Variants in DPP6 observed in about 807,000 individuals in gnomAD.
The protein encoded by DPP6 is dipeptidyl peptidase like 6, also known as A-type potassium channel modulatory protein DPP6.
A neutral mutation model predicts 122.6 loss-of-function variants in DPP6; 69 were observed. The observed-to-expected ratio is 0.56, with a 90% confidence interval of 0.46 to 0.69. The LOEUF (loss-of-function observed/expected upper bound fraction) is 0.69, where lower values mean the gene tolerates loss of function less well. Ranked by LOEUF, DPP6 falls within the 30% of genes least tolerant of loss-of-function variation. DPP6 has a pLI of 0.00. For missense variants in DPP6, 928 were observed against 1,116.9 expected, an observed-to-expected ratio of 0.83 and a Z score of 2.41; for synonymous variants, 418 against 433.1, an observed-to-expected ratio of 0.97 and a Z score of 0.43.
chr7:153,939,331 GAATT>G (rs1463520667), intron 1 of DPP6, among the ~76,000 whole-genome samples: 3 of 152,328 alleles, frequency 2.0e-5, no homozygotes, highest in East Asian at 3.9e-4. Context: ...TGACTGCCAA[GAATT>G]AATCTCTTAT....
At chr7:154,591,192 A>G (rs1045924412) in intron 5 of DPP6, among the ~76,000 whole-genome samples, 5 of 152,262 alleles carry the variant, frequency 3.3e-5, no homozygotes, top group African/African-American at 7.2e-5. Context: ...ATCTGGAAGG[A>G]CAGCCACACG....
intron 14 of DPP6, 43 bp from the exon 15 acceptor site, chr7:154,804,874 C>A: frequency 1.3e-6 from 2 of 1,579,888 alleles, no homozygotes; most frequent in Non-Finnish European, 1.7e-6. Context: ...TGCAGACGTG[C>A]CTTGGAGCAA....
chr7:154,634,922 T>G (rs916765186), intron 5 of DPP6, among the ~76,000 whole-genome samples: 1 of 152,158 alleles, frequency 6.6e-6, no homozygotes, highest in African/African-American at 2.4e-5. Context: ...TGTTTCTAGA[T>G]GGATTAAAGC....
chr7:153,869,340 A>G, the DPP6 span, among the ~76,000 whole-genome samples: 1 of 152,138 alleles, frequency 6.6e-6, no homozygotes, highest in African/African-American at 2.4e-5. Flanking sequence ...GTGCTCCTGT[A>G]TTGGGTGCAT....
intron 1 of DPP6, among the ~76,000 whole-genome samples, chr7:153,923,972 C>T (rs1309664716): frequency 6.6e-6 from 1 of 152,052 alleles, no homozygotes; most frequent in Non-Finnish European, 1.5e-5. Flanking sequence ...ACCAGGCACA[C>T]AAGACTCAAG....
At chr7:154,562,960 G>C (rs1830519932) in intron 4 of DPP6, among the ~76,000 whole-genome samples, 1 of 151,562 alleles carries the variant, frequency 6.6e-6, no homozygotes, top group Non-Finnish European at 1.5e-5. Flanking sequence ...TCCTTTCAAG[G>C]TGTTTACACT....
chr7:154,739,934 T>C (rs1352391050), intron 8 of DPP6, among the ~76,000 whole-genome samples: 1 of 152,222 alleles, frequency 6.6e-6, no homozygotes, highest in Non-Finnish European at 1.5e-5. Flanking sequence ...TGAATCCACA[T>C]TTGAAAATCC....
chr7:154,082,315 G>A (rs1188874133), intron 1 of DPP6, among the ~76,000 whole-genome samples: 1 of 152,134 alleles, frequency 6.6e-6, no homozygotes, highest in Non-Finnish European at 1.5e-5. Context: ...CATAGGGGTT[G>A]TTTTGTTATT....
chr7:154,152,923 G>T (rs944331915), intron 1 of DPP6, among the ~76,000 whole-genome samples: 1 of 152,214 alleles, frequency 6.6e-6, no homozygotes, highest in African/African-American at 2.4e-5. Flanking sequence ...TCCCTGTTAC[G>T]TACATAATTA....
intron 8 of DPP6, among the ~76,000 whole-genome samples, chr7:154,767,645 G>A (rs1795990991): frequency 6.6e-6 from 1 of 152,208 alleles, no homozygotes; most frequent in South Asian, 2.1e-4. Flanking sequence ...AGAGGGGAAG[G>A]GGATGCTAGA....
rs144931639 is a variant in DPP6, at chr7:154,307,764, A to G, written c.244-138450A>G. Among the ~76,000 whole-genome samples, 1,086 of 151,702 alleles carry G rather than the reference A, an allele frequency of 7.2e-3. 5 individuals carry two copies. Among genetic ancestry groups the G allele is most frequent in the South Asian group, 0.028 (134 of 4,780 alleles). On this transcript the variant is annotated intron_variant, in intron 1 of 25. Coordinates refer to ENST00000377770, the MANE Select transcript of DPP6 (RefSeq NM_130797.4). ...ACTCTTAATGAGTTCTCCATTCTTT[A>G]TTTTATTTTATTTTCCTGGTTGCTA... is the stretch of plus-strand genomic sequence containing the variant.
At chr7:153,793,558 G>C in the DPP6 span, among the ~76,000 whole-genome samples, 14 of 151,476 alleles carry the variant, frequency 9.2e-5, no homozygotes, top group East Asian at 2.0e-3. Context: ...TTTGCAGCCC[G>C]ACAATGTGAT....
intron 1 of DPP6, among the ~76,000 whole-genome samples, chr7:153,965,765 C>T (rs550940578): frequency 2.0e-4 from 30 of 152,100 alleles, no homozygotes; most frequent in Admixed American, 3.9e-4. Flanking sequence ...CCCAGACAGG[C>T]GGATCACGAG....
At chr7:154,573,089 G>A (rs139024090) in intron 5 of DPP6, among the ~76,000 whole-genome samples, 376 of 152,160 alleles carry the variant, frequency 2.5e-3, no homozygotes, top group Non-Finnish European at 3.7e-3. Flanking sequence ...TGAAATCTTC[G>A]TCCAGGAGTG....
chr7:154,326,010 C>T (rs1263595526), intron 1 of DPP6, among the ~76,000 whole-genome samples: 1 of 152,064 alleles, frequency 6.6e-6, no homozygotes, highest in East Asian at 1.9e-4. Flanking sequence ...ATGCATAAAG[C>T]CTGCATGAAG....
intron 5 of DPP6, among the ~76,000 whole-genome samples, chr7:154,579,858 G>A (rs1831933816): frequency 6.6e-6 from 1 of 152,138 alleles, no homozygotes; most frequent in Non-Finnish European, 1.5e-5. Context: ...GACACGGTAA[G>A]GAGGGCAAGT....
intron 8 of DPP6, among the ~76,000 whole-genome samples, chr7:154,758,403 G>A (rs1327453902): frequency 2.1e-5 from 3 of 143,044 alleles, no homozygotes; most frequent in Admixed American, 7.2e-5. Flanking sequence ...ACAGAGTCTC[G>A]CTCTGTTGCC....
chr7:154,355,022 G>A (rs979932515), intron 1 of DPP6, among the ~76,000 whole-genome samples: 8 of 152,146 alleles, frequency 5.3e-5, no homozygotes, highest in South Asian at 2.1e-4. Context: ...CCTTGGGAGG[G>A]GTGAGGCTGT....
intron 5 of DPP6, among the ~76,000 whole-genome samples, chr7:154,608,342 T>TATATATATA (rs59731169): frequency 1.0e-4 from 13 of 127,394 alleles, no homozygotes; most frequent in Admixed American, 1.7e-4. Context: ...TATATATATA[T>TATATATATA]TTTGAGATGG....
Sources: allele counts gnomAD v4.1 joint callset (sites outside exome capture counted in the v4.1 genomes callset), GRCh38; gene constraint gnomAD v4.1.1; transcripts MANE v1.5; gene names NCBI Gene and HGNC (gene_info 2026-07-23, HGNC 2026-07-21).